DPH3: variants seen among roughly 807,000 people sequenced by gnomAD.
The protein encoded by DPH3 is diphthamide biosynthesis 3.
DPH3 carries 8 observed loss-of-function variants against 10.2 expected under a neutral mutation model. The observed-to-expected ratio is 0.79, with a 90% CI of 0.46 to 1.42. The LOEUF is 1.42. DPH3 is among the 40% of genes most tolerant of loss of function. The pLI, the probability that DPH3 is intolerant of heterozygous loss-of-function variation, is 0.00. For missense variants in DPH3, 96 were observed against 98.9 expected, an observed-to-expected ratio of 0.97 and a Z score of 0.12; for synonymous variants, 35 against 35.6, an observed-to-expected ratio of 0.98 and a Z score of 0.06.
At position 16,260,071 on chromosome 3, in the gene DPH3, T is replaced by C. The variant is rs2064282862; in HGVS notation, c.*693A>G. 6.6e-6 allele frequency: 1 copy of C among 152,258 alleles called. No individual in the cohort carries two copies. Among genetic ancestry groups the C allele is most frequent in the Non-Finnish European group, 1.5e-5 (1 of 68,050 alleles). 9.4% of individuals were successfully genotyped at this position (152,258 alleles called of 1,614,324 possible). A position where few individuals can be genotyped will look rare whatever the true frequency, so the allele number is the denominator to read the frequency against. Reference sequence around the variant, plus strand: ...TGACTTCCAAGGAATATGCAGAATATAAGAAAAGTCCTCATTCTTTCATCA... The same window carrying C: ...TGACTTCCAAGGAATATGCAGAATACAAGAAAAGTCCTCATTCTTTCATCA... On this transcript the variant is annotated 3_prime_UTR_variant, in exon 3 of 3. Transcript: ENST00000488423.
rs1281991153 is a variant in DPH3, at chr3:16,263,700, A to G, written c.183+455T>C. ...TTGGGTGAAAGATAATAGGGCAACTAAAGACTAAAATGAAATTGTAAAGCT... is the reference window on the plus strand; with the variant it reads ...TTGGGTGAAAGATAATAGGGCAACTGAAGACTAAAATGAAATTGTAAAGCT... On this transcript the variant is annotated intron_variant, in intron 2 of 2. Transcript: ENST00000488423. This position sits in a 1 kb window ranked among gnomAD's most constrained non-coding sequence, Gnocchi z 4.0. Among the ~76,000 whole-genome samples, 1 of 152,212 alleles carries G rather than the reference A, an allele frequency of 6.6e-6. No individual in the cohort carries two copies. The highest frequency in any genetic ancestry group is 1.5e-5 in the Non-Finnish European group (1 of 68,032).
chr3:16,259,526 C>T lies in DPH3; in HGVS notation c.*1238G>A, dbSNP rs1446614828. The T allele has an allele frequency of 2.0e-5, 3 of 152,178 alleles. No homozygotes were observed. The highest frequency in any genetic ancestry group is 4.4e-5 in the Non-Finnish European group (3 of 68,032). The allele number at this position is 152,178 out of a possible 1,614,324, so 9.4% of individuals were successfully genotyped here. ...CATTAATAAATATTTTTTATTTATA[C>T]ACAGTAAAGTTGTGTATATAAAGGG... On this transcript the variant is annotated 3_prime_UTR_variant, in exon 3 of 3. Coordinates refer to ENST00000488423, the MANE Select transcript of DPH3 (RefSeq NM_206831.3).
In DPH3 at chr3:16,262,252, C is replaced by T. The variant is rs983532468; in HGVS notation, c.184-1423G>A. On this transcript the variant is annotated intron_variant, in intron 2 of 2. Transcript: ENST00000488423. The surrounding 1 kb of genome is among the most constrained non-coding windows in gnomAD (Gnocchi z 4.7). Reference sequence around the variant, plus strand: ...ACTCACTGCCTTCTGTTCTCTCATTCTCTCCAACCAGTATTCTGCCCATTG... The same window carrying T: ...ACTCACTGCCTTCTGTTCTCTCATTTTCTCCAACCAGTATTCTGCCCATTG... 1.1e-4 allele frequency among the ~76,000 whole-genome samples: 17 copies of T among 152,206 alleles called. No individual in the cohort carries two copies. The highest frequency in any genetic ancestry group is 4.1e-4 in the African/African-American group (17 of 41,442).
chr3:16,264,078 C>T, intron 2 of DPH3, 77 bp downstream of exon 2: 1 of 1,021,956 alleles, frequency 9.8e-7, no homozygotes, highest in Non-Finnish European at 1.4e-6. Context: ...CTCCTGCACT[C>T]ATCACTGACA....
At position 16,263,829 on chromosome 3, in the gene DPH3, A is replaced by C. The variant is rs2064334418; in HGVS notation, c.183+326T>G. 6.6e-6 allele frequency among the ~76,000 whole-genome samples: 1 copy of C among 152,238 alleles called. No homozygotes were observed. Among genetic ancestry groups the C allele is most frequent in the South Asian group, 2.1e-4 (1 of 4,838 alleles). On this transcript the variant is annotated intron_variant, in intron 2 of 2. Coordinates refer to ENST00000488423, the MANE Select transcript of DPH3 (RefSeq NM_206831.3). This position sits in a 1 kb window ranked among gnomAD's most constrained non-coding sequence, Gnocchi z 4.0. ...CCTTCAAAGTAAGTCTAGCAGCTCT[A>C]AACAATTTTAATTACATATTAAATA...
At position 16,264,934 on chromosome 3, in the gene DPH3, G is replaced by A. The variant is rs1025015456; in HGVS notation, c.-58C>T. Reference sequence around the variant, plus strand: ...CAGCAGTCCGAGGCCAGCTCCGAGGGTTTAACTTCGCCGGAACCGGCCTGG... The same window carrying A: ...CAGCAGTCCGAGGCCAGCTCCGAGGATTTAACTTCGCCGGAACCGGCCTGG... On this transcript the variant is annotated 5_prime_UTR_variant, in exon 1 of 3. Coordinates refer to ENST00000488423, the MANE Select transcript of DPH3 (RefSeq NM_206831.3). 6.3e-7 allele frequency: 1 copy of A among 1,587,386 alleles called. No homozygotes were observed. Among genetic ancestry groups the A allele is most frequent in the Non-Finnish European group, 8.6e-7 (1 of 1,160,124 alleles).
At position 16,262,521 on chromosome 3, in the gene DPH3, TC is replaced by T. The variant is rs1256891134; in HGVS notation, c.183+1633del. ...CAGCTTTGGTGATTCCTCGCTTCCC[TC>T]CCTGACTTTTTAATACTGTAGTGCC... On this transcript the variant is annotated intron_variant, in intron 2 of 2. Transcript: ENST00000488423. This position sits in a 1 kb window ranked among gnomAD's most constrained non-coding sequence, Gnocchi z 4.7. Among the ~76,000 whole-genome samples, 2 of 152,174 alleles carry T rather than the reference TC, an allele frequency of 1.3e-5. No homozygotes were observed. The highest frequency in any genetic ancestry group is 2.4e-5 in the African/African-American group (1 of 41,428).
At position 16,264,899 on chromosome 3, in the gene DPH3, G is replaced by A; in HGVS notation, c.-23C>T. On this transcript the variant is annotated 5_prime_UTR_variant, in exon 1 of 3. Transcript: ENST00000488423. ...CATGGTCAGCGGGGGTGGCCGAAGG[G>A]GTAACGCCCCAGCAGTCCGAGGCCA... 2 of 1,613,284 alleles carry A rather than the reference G, an allele frequency of 1.2e-6. No individual in the cohort carries two copies. The highest frequency in any genetic ancestry group is 1.7e-6 in the Non-Finnish European group (2 of 1,179,322).
In DPH3 at chr3:16,264,917, C is replaced by A. The variant is rs755111697; in HGVS notation, c.-41G>T. On this transcript the variant is annotated 5_prime_UTR_variant, in exon 1 of 3. Transcript: ENST00000488423. ...CCGAAGGGGTAACGCCCCAGCAGTC[C>A]GAGGCCAGCTCCGAGGGTTTAACTT... 3.1e-6 allele frequency: 5 copies of A among 1,607,714 alleles called. No individual in the cohort carries two copies. The East Asian group carries it at 8.9e-5, about 29-fold the overall frequency.
At position 16,258,389 on chromosome 3, in the gene DPH3, A is replaced by G. The variant is rs1239220988; in HGVS notation, c.*2375T>C. 1 of 152,236 alleles carries G rather than the reference A, an allele frequency of 6.6e-6. No homozygotes were observed. The highest frequency in any genetic ancestry group is 1.5e-5 in the Non-Finnish European group (1 of 68,036). 9.4% of individuals were successfully genotyped at this position (152,236 alleles called of 1,614,324 possible). On this transcript the variant is annotated 3_prime_UTR_variant, in exon 3 of 3. Transcript: ENST00000488423. ...AAAAAGAGACATAGCCTGGATTACA[A>G]GTCAGTTTTTATAGGTGCTCCAGGA...
chr3:16,264,084 T>C (rs961141275), intron 2 of DPH3, 71 bp downstream of exon 2: 3 of 1,130,940 alleles, frequency 2.7e-6, no homozygotes, highest in Non-Finnish European at 3.8e-6. Flanking sequence ...CACTCATCAC[T>C]GACAAGCTGA....
In DPH3 at chr3:16,259,666, T is replaced by C. The variant is rs2064278471; in HGVS notation, c.*1098A>G. ...TTCTTTTTCTCCAGGGCAACATTTC[T>C]CTGCAGGAGTGAATGTCTGGTTTGG... is the stretch of plus-strand genomic sequence containing the variant. On this transcript the variant is annotated 3_prime_UTR_variant, in exon 3 of 3. Transcript: ENST00000488423. 6.6e-6 allele frequency: 1 copy of C among 152,242 alleles called. No homozygotes were observed. The highest frequency in any genetic ancestry group is 1.5e-5 in the Non-Finnish European group (1 of 68,046). 9.4% of individuals were successfully genotyped at this position (152,242 alleles called of 1,614,324 possible). A position where few individuals can be genotyped will look rare whatever the true frequency, so the allele number is the denominator to read the frequency against.
intron 1 of DPH3, 41 bp from the exon 2 acceptor site, chr3:16,264,270 C>A (rs761480636): frequency 6.6e-7 from 1 of 1,511,124 alleles, no homozygotes; most frequent in Non-Finnish European, 9.1e-7. Context: ...GATAGCTTCT[C>A]TTCGCCATCT....
In DPH3 at chr3:16,259,609, C is replaced by CAA. The variant is rs1410724471; in HGVS notation, c.*1153_*1154dup. ...TTTCTTGCTATGCTTAGTACTGCAGCAAAAGAAGGGTGATAGCCTATCTTT... is the reference window on the plus strand; with the variant it reads ...TTTCTTGCTATGCTTAGTACTGCAGCAAAAAAGAAGGGTGATAGCCTATCTTT... On this transcript the variant is annotated 3_prime_UTR_variant, in exon 3 of 3. Transcript: ENST00000488423. The CAA allele has an allele frequency of 2.6e-5, 4 of 152,162 alleles. No homozygotes were observed. The highest frequency in any genetic ancestry group is 9.7e-5 in the African/African-American group (4 of 41,434). The allele number at this position is 152,162 out of a possible 1,614,324, so 9.4% of individuals were successfully genotyped here. A position where few individuals can be genotyped will look rare whatever the true frequency, so the allele number is the denominator to read the frequency against.
intron 1 of DPH3, 109 bp downstream of exon 1, chr3:16,264,660 A>G: frequency 1.9e-6 from 2 of 1,064,548 alleles, no homozygotes; most frequent in Non-Finnish European, 2.8e-6. Context: ...GCAACGGGAA[A>G]GAGGGCGTGG....
At position 16,262,178 on chromosome 3, in the gene DPH3, C is replaced by T. The variant is rs2064296592; in HGVS notation, c.184-1349G>A. ...TCCTCTATCACCACTGGTTACTGTC[C>T]CATGTCTGTGCTCTCCTTTGCAGCA... On this transcript the variant is annotated intron_variant, in intron 2 of 2. Transcript: ENST00000488423. The surrounding 1 kb of genome is among the most constrained non-coding windows in gnomAD (Gnocchi z 4.7). Among the ~76,000 whole-genome samples, 1 of 152,180 alleles carries T rather than the reference C, an allele frequency of 6.6e-6. No homozygotes were observed. Among genetic ancestry groups the T allele is most frequent in the Admixed American group, 6.5e-5 (1 of 15,278 alleles).
At position 16,264,308 on chromosome 3, in the gene DPH3, A is replaced by G. The variant is rs189208893; in HGVS notation, c.109-79T>C. ...TCCCCCAAACCTATCCCACCCCTAG[A>G]TGCAAGTCTCTTGGTGGCTTGCCTT... On this transcript the variant is annotated intron_variant, in intron 1 of 2. Coordinates refer to ENST00000488423, the MANE Select transcript of DPH3 (RefSeq NM_206831.3). 176 of 1,178,358 alleles carry G rather than the reference A, an allele frequency of 1.5e-4. 1 individual carries two copies. The highest frequency in any genetic ancestry group is 6.0e-4 in the Middle Eastern group (3 of 4,996). The allele number at this position is 1,178,358 out of a possible 1,614,324, so 73.0% of individuals were successfully genotyped here. A position where few individuals can be genotyped will look rare whatever the true frequency, so the allele number is the denominator to read the frequency against.
Position 16,264,637 on chromosome 3 carries a change from G to A in DPH3, c.108+132C>T, listed in dbSNP as rs946128278. 43 of 859,050 alleles carry A rather than the reference G, an allele frequency of 5.0e-5. No individual in the cohort carries two copies. In the African/African-American group the frequency reaches 6.5e-4, roughly 13 times the overall value. 53.2% of individuals were successfully genotyped at this position (859,050 alleles called of 1,614,324 possible). On this transcript the variant is annotated intron_variant, in intron 1 of 2. Transcript: ENST00000488423. Reference sequence around the variant, plus strand: ...TTAGTTGGGGTGGGGGGACGCGGGAGGAGGAAGATTCAGCAACGGGAAAGA... The same window carrying A: ...TTAGTTGGGGTGGGGGGACGCGGGAAGAGGAAGATTCAGCAACGGGAAAGA...
chr3:16,264,387 TTTTCCC>T, intron 1 of DPH3, 158 bp from the exon 2 acceptor site: 1 of 547,700 alleles, frequency 1.8e-6, no homozygotes, highest in Non-Finnish European at 3.2e-6. Context: ...GCCGACATCA[TTTTCCC>T]CTAGAAGCGT....
Sources: gnomAD v4.1 joint callset for allele counts (sites outside exome capture counted in the v4.1 genomes callset) on GRCh38, gnomAD v4.1.1 for gene constraint, Gnocchi (gnomAD v3.1) non-coding constraint, MANE v1.5 for transcripts, NCBI Gene and HGNC (gene_info 2026-07-23, HGNC 2026-07-21) for gene names.